USH2A: variants seen among roughly 807,000 people sequenced by gnomAD.
USH2A encodes usherin.
A neutral mutation model predicts 538.9 loss-of-function variants in USH2A; 443 were observed. The observed-to-expected ratio is 0.82, with a 90% CI of 0.76 to 0.89. USH2A has a LOEUF of 0.89. Among genes scored for constraint, USH2A ranks in the 40% least tolerant of loss-of-function variants. USH2A has a pLI of 0.00. For missense variants in USH2A, 6,633 were observed against 6,324.8 expected, an observed-to-expected ratio of 1.05 and a Z score of -1.65; for synonymous variants, 2,413 against 2,273.5, an observed-to-expected ratio of 1.06 and a Z score of -1.75.
At chr1:216,286,506 G>A (rs984083226) in intron 11 of USH2A, among the ~76,000 whole-genome samples, 1 of 151,794 alleles carries the variant, frequency 6.6e-6, no homozygotes, top group Non-Finnish European at 1.5e-5. Flanking sequence ...AGGTGGGTGG[G>A]ATTTGACACC....
At chr1:216,103,132 T>C (rs2032633702) in intron 21 of USH2A, among the ~76,000 whole-genome samples, 1 of 152,196 alleles carries the variant, frequency 6.6e-6, no homozygotes, top group African/African-American at 2.4e-5. Context: ...AATCCACGTA[T>C]GATGTTAGAA....
intron 32 of USH2A, among the ~76,000 whole-genome samples, chr1:216,008,550 A>G (rs1668463872): frequency 6.6e-6 from 1 of 152,146 alleles, no homozygotes; most frequent in Non-Finnish European, 1.5e-5. Context: ...ATGGACGCAC[A>G]TGAAATTTGG....
chr1:215,979,225 A>T (rs1395615475), intron 35 of USH2A, among the ~76,000 whole-genome samples: 2 of 152,164 alleles, frequency 1.3e-5, no homozygotes, highest in African/African-American at 2.4e-5. Flanking sequence ...TGGGAAAAAC[A>T]TGCCCCCCAT....
intron 49 of USH2A, among the ~76,000 whole-genome samples, chr1:215,806,620 A>T (rs139317564): frequency 0.011 from 1,727 of 152,214 alleles, 36 homozygotes; most frequent in African/African-American, 0.039. Context: ...TTGTATCTAC[A>T]TACCTCTAGA....
chr1:215,952,309 A>C (rs534236878), intron 37 of USH2A, among the ~76,000 whole-genome samples: 1 of 152,318 alleles, frequency 6.6e-6, no homozygotes, highest in South Asian at 2.1e-4. Flanking sequence ...AATACAGGAC[A>C]CTGATGGGTC....
At chr1:215,638,643 T>TATTGTAACTC (rs1656577055) in intron 69 of USH2A, among the ~76,000 whole-genome samples, 1 of 131,778 alleles carries the variant, frequency 7.6e-6, no homozygotes, top group African/African-American at 2.8e-5. Flanking sequence ...AAAAAGAGTG[T>TATTGTAACTC]ATTGTAACTC....
chr1:215,931,624 G>C (rs1213640807), intron 38 of USH2A, among the ~76,000 whole-genome samples: 2 of 151,988 alleles, frequency 1.3e-5, no homozygotes, highest in African/African-American at 4.8e-5. Flanking sequence ...TGCTGAGGTT[G>C]AGATGAGGCC....
intron 61 of USH2A, among the ~76,000 whole-genome samples, chr1:215,708,513 T>C (rs1659245531): frequency 6.6e-6 from 1 of 152,220 alleles, no homozygotes; most frequent in South Asian, 2.1e-4. Flanking sequence ...AGGGATCCGT[T>C]TCATGGAAGA....
chr1:215,837,131 C>T (rs1663554444), intron 47 of USH2A, among the ~76,000 whole-genome samples: 1 of 152,048 alleles, frequency 6.6e-6, no homozygotes, highest in African/African-American at 2.4e-5. Flanking sequence ...TTATTTTAAC[C>T]ATTGGTTGCC....
At chr1:215,972,272 G>A (rs892521949) in intron 35 of USH2A, among the ~76,000 whole-genome samples, 1 of 152,140 alleles carries the variant, frequency 6.6e-6, no homozygotes, top group Non-Finnish European at 1.5e-5. Flanking sequence ...GTGTCAGCAG[G>A]GGACAAAGCA....
intron 61 of USH2A, among the ~76,000 whole-genome samples, chr1:215,696,250 C>T (rs1431405185): frequency 6.6e-6 from 1 of 152,152 alleles, no homozygotes; most frequent in South Asian, 2.1e-4. Flanking sequence ...GGTCTTCATC[C>T]TTGCCATTTT....
At chr1:215,899,314 A>G (rs140736252) in intron 40 of USH2A, among the ~76,000 whole-genome samples, 260 of 152,320 alleles carry the variant, frequency 1.7e-3, no homozygotes, top group African/African-American at 6.1e-3. Flanking sequence ...ACTTCACAAG[A>G]TTAACTCAAA....
At chr1:216,011,433 T>A (rs1668566047) in intron 32 of USH2A, among the ~76,000 whole-genome samples, 1 of 152,148 alleles carries the variant, frequency 6.6e-6, no homozygotes, top group Non-Finnish European at 1.5e-5. Flanking sequence ...TATCTCAGCA[T>A]AATTCTCATA....
At chr1:216,075,636 T>C (rs1387664735) in intron 27 of USH2A, among the ~76,000 whole-genome samples, 1 of 151,770 alleles carries the variant, frequency 6.6e-6, no homozygotes, top group Non-Finnish European at 1.5e-5. Flanking sequence ...TCCCTCTCCA[T>C]GGAGGGGTTT....
chr1:216,367,346 T>C (rs988479382), intron 3 of USH2A, among the ~76,000 whole-genome samples: 3 of 152,196 alleles, frequency 2.0e-5, no homozygotes, highest in African/African-American at 7.2e-5. Flanking sequence ...ACTGGTCTAA[T>C]AAAGGTAATA....
At chr1:215,845,714 T>A (rs896816325) in intron 45 of USH2A, 110 bp downstream of exon 45, 9 of 1,235,062 alleles carry the variant, frequency 7.3e-6, no homozygotes, top group Non-Finnish European at 9.3e-6. Flanking sequence ...CCCCCTTCCC[T>A]CCCACACCGG....
chr1:216,130,957 G>C (rs2033364193), intron 21 of USH2A, among the ~76,000 whole-genome samples: 1 of 151,610 alleles, frequency 6.6e-6, no homozygotes, highest in South Asian at 2.1e-4. Context: ...TCACCTCATC[G>C]ACTTCAACAT....
chr1:216,048,904 C>G (rs1571915925), intron 30 of USH2A, among the ~76,000 whole-genome samples: 1 of 152,192 alleles, frequency 6.6e-6, no homozygotes, highest in African/African-American at 2.4e-5. Context: ...GATGTTTCTC[C>G]CATTAAAATG....
chr1:215,743,016 C>T (rs1045913809), intron 59 of USH2A, among the ~76,000 whole-genome samples, 161 bp downstream of exon 59: 1 of 152,024 alleles, frequency 6.6e-6, no homozygotes, highest in Non-Finnish European at 1.5e-5. Flanking sequence ...ATGCTTTACT[C>T]GATGCCAGAC....
Sources: allele counts gnomAD v4.1 joint callset (sites outside exome capture counted in the v4.1 genomes callset), GRCh38; gene constraint gnomAD v4.1.1; transcripts MANE v1.5; gene names NCBI Gene and HGNC (gene_info 2026-07-23, HGNC 2026-07-21).